CDH13: variants seen among roughly 807,000 people sequenced by gnomAD.
CDH13 encodes cadherin 13, also known as cadherin-13.
A neutral mutation model predicts 63.8 loss-of-function variants in CDH13; 24 were observed. The observed-to-expected ratio is 0.38, with a 90% CI of 0.27 to 0.53. CDH13 has a LOEUF of 0.53. Ranked by LOEUF, CDH13 falls within the 20% of genes least tolerant of loss-of-function variation. CDH13 has a pLI of 0.85. For missense variants in CDH13, 1,049 were observed against 903.1 expected (o/e 1.16, Z -2.07); for synonymous variants, 503 against 355.3 (o/e 1.42, Z -4.67).
intron 1 of CDH13, among the ~76,000 whole-genome samples, chr16:82,679,504 G>A (rs1228582266): frequency 6.6e-6 from 1 of 152,178 alleles, no homozygotes; most frequent in Non-Finnish European, 1.5e-5. Context: ...ATAACGCCTG[G>A]TAAGATGCCA....
At chr16:83,594,824 G>A (rs779637159) in intron 7 of CDH13, among the ~76,000 whole-genome samples, 1 of 152,188 alleles carries the variant, frequency 6.6e-6, no homozygotes, top group Non-Finnish European at 1.5e-5. Context: ...AACGTCGAGG[G>A]TCTGGTGATG....
chr16:82,889,112 A>T (rs569123793), intron 2 of CDH13, among the ~76,000 whole-genome samples: 20 of 152,328 alleles, frequency 1.3e-4, no homozygotes, highest in Admixed American at 4.6e-4. Flanking sequence ...TATTCCCCTT[A>T]ACCTTATTTT....
Position 83,142,014 on chromosome 16 carries a change from G to A in CDH13, c.483+16513G>A, listed in dbSNP as rs113446831. ...TGGCTGAAAAGCCCCAGAAAGTGGG[G>A]ATGTACCAGTACAAGTTTCCCACCT... is the stretch of plus-strand genomic sequence containing the variant. On this transcript the variant is annotated intron_variant, in intron 4 of 13. Transcript: ENST00000567109. Among the ~76,000 whole-genome samples the A allele has an allele frequency of 8.0e-3, 1,217 of 152,226 alleles. 11 individuals carry two copies. Among genetic ancestry groups the A allele is most frequent in the Non-Finnish European group, 0.014 (920 of 68,012 alleles).
intron 8 of CDH13, among the ~76,000 whole-genome samples, chr16:83,647,421 G>T (rs1445113984): frequency 2.0e-5 from 3 of 151,908 alleles, no homozygotes; most frequent in Non-Finnish European, 4.4e-5. Flanking sequence ...TGTTTTGTTT[G>T]TGAAAGTTTC....
intron 6 of CDH13, among the ~76,000 whole-genome samples, chr16:83,356,213 TGTGTGTG>T (rs1437288410): frequency 1.1e-3 from 2 of 1,826 alleles, no homozygotes; most frequent in East Asian, 0.012. Context: ...TTTATTTTCA[TGTGTGTG>T]TGTGTGTGTG....
intron 4 of CDH13, among the ~76,000 whole-genome samples, chr16:83,194,716 T>G (rs1186824255): frequency 6.6e-6 from 1 of 152,212 alleles, no homozygotes; most frequent in African/African-American, 2.4e-5. Flanking sequence ...TGTCCTAAAG[T>G]AGGTAAAATG....
At chr16:83,408,384 T>C (rs192776588) in intron 6 of CDH13, among the ~76,000 whole-genome samples, 1 of 152,316 alleles carries the variant, frequency 6.6e-6, no homozygotes, top group South Asian at 2.1e-4. Flanking sequence ...ATAGTGCACT[T>C]ACGCAAATCT....
chr16:83,495,496 G>A (rs192729353), intron 7 of CDH13, among the ~76,000 whole-genome samples: 108 of 152,232 alleles, frequency 7.1e-4, no homozygotes, highest in African/African-American at 2.3e-3. Flanking sequence ...GACTTTAAAA[G>A]GTATCAGACT....
chr16:83,358,222 C>T (rs147745105), intron 6 of CDH13, among the ~76,000 whole-genome samples: 87 of 152,228 alleles, frequency 5.7e-4, no homozygotes, highest in African/African-American at 1.9e-3. Context: ...AAGCTAGAAG[C>T]AGGGGTCTAT....
At chr16:83,262,335 G>C (rs1907092742) in intron 5 of CDH13, among the ~76,000 whole-genome samples, 1 of 152,212 alleles carries the variant, frequency 6.6e-6, no homozygotes, top group Non-Finnish European at 1.5e-5. Flanking sequence ...GTAATCAGAT[G>C]TGTAGGGAGA....
chr16:83,623,716 G>T (rs909334320), intron 8 of CDH13, among the ~76,000 whole-genome samples: 1 of 152,126 alleles, frequency 6.6e-6, no homozygotes, highest in African/African-American at 2.4e-5. Context: ...CTCACATCAT[G>T]GGCACTGGAC....
At chr16:83,364,954 C>G (rs563428689) in intron 6 of CDH13, among the ~76,000 whole-genome samples, 5 of 152,118 alleles carry the variant, frequency 3.3e-5, no homozygotes, top group Non-Finnish European at 7.3e-5. Flanking sequence ...GGACAAATAC[C>G]TAAGGCATGC....
At chr16:83,594,337 A>T (rs1274965494) in intron 7 of CDH13, among the ~76,000 whole-genome samples, 1 of 152,188 alleles carries the variant, frequency 6.6e-6, no homozygotes, top group Non-Finnish European at 1.5e-5. Context: ...CACTTTACAG[A>T]TGAGGAAATG....
intron 2 of CDH13, among the ~76,000 whole-genome samples, chr16:82,931,466 G>A (rs1323519221): frequency 2.6e-5 from 4 of 150,992 alleles, no homozygotes; most frequent in Admixed American, 2.0e-4. Flanking sequence ...AAGTTTAGAA[G>A]TTCTATAAGC....
At chr16:83,600,446 A>G (rs1436900206) in intron 7 of CDH13, among the ~76,000 whole-genome samples, 1 of 152,230 alleles carries the variant, frequency 6.6e-6, no homozygotes. Context: ...ACAGCAATGA[A>G]TGGTGTCCCT....
intron 8 of CDH13, among the ~76,000 whole-genome samples, chr16:83,617,602 T>G (rs922563868): frequency 2.6e-5 from 4 of 151,426 alleles, no homozygotes; most frequent in African/African-American, 9.7e-5. Flanking sequence ...TATTCTAATA[T>G]GTACATATCT....
chr16:82,630,909 A>C (rs781768062), intron 1 of CDH13, among the ~76,000 whole-genome samples: 13 of 152,236 alleles, frequency 8.5e-5, no homozygotes, highest in Non-Finnish European at 1.9e-4. Flanking sequence ...AGAGGGCTCC[A>C]TCCACAGCAT....
chr16:83,449,940 T>G (rs766431506), intron 6 of CDH13, among the ~76,000 whole-genome samples: 1 of 152,166 alleles, frequency 6.6e-6, no homozygotes, highest in Non-Finnish European at 1.5e-5. Flanking sequence ...GGAACTCTAA[T>G]AGAAGAAAAA....
At chr16:82,815,998 T>C (rs1181364522) in intron 1 of CDH13, among the ~76,000 whole-genome samples, 1 of 152,176 alleles carries the variant, frequency 6.6e-6, no homozygotes, top group African/African-American at 2.4e-5. Flanking sequence ...TTACCAAGTA[T>C]GTGACAGTAG....
Sources: gnomAD v4.1 joint callset for allele counts (sites outside exome capture counted in the v4.1 genomes callset) on GRCh38, gnomAD v4.1.1 for gene constraint, MANE v1.5 for transcripts, NCBI Gene and HGNC (gene_info 2026-07-23, HGNC 2026-07-21) for gene names.